The following CASZ1 variants were observed in gnomAD, a reference collection of about 807,000 sequenced individuals.
CASZ1 encodes zinc finger protein castor homolog 1.
In CASZ1, 28 loss-of-function variants were observed where a neutral mutation model predicts 135.2. The ratio of observed to expected loss-of-function variants is 0.21; its 90% CI spans 0.15 to 0.28. The LOEUF (loss-of-function observed/expected upper bound fraction) is 0.28. Among genes scored for constraint, CASZ1 ranks in the 10% least tolerant of loss-of-function variants. CASZ1 has a pLI of 1.00. For synonymous variants in CASZ1, 1,068 were observed against 1,073.4 expected, an observed-to-expected ratio of 0.99 and a Z score of 0.10; for missense variants, 2,161 against 2,453.3, an observed-to-expected ratio of 0.88 and a Z score of 2.52.
rs1639414891 is a variant in CASZ1, at chr1:10,717,417, C to T, written c.-76-11873G>A. ...TTTTCTTTTCTTTTTTGCTATTTAT[C>T]AGCAGGTTGTGTGGAGCTGAGTGGT... On this transcript the variant is annotated intron_variant, in intron 2 of 20. Transcript: ENST00000377022. This position sits in a 1 kb window ranked among gnomAD's most constrained non-coding sequence, Gnocchi z 4.6. Among the ~76,000 whole-genome samples, 1 of 151,762 alleles carries T rather than the reference C, an allele frequency of 6.6e-6. No homozygotes were observed. Among genetic ancestry groups the T allele is most frequent in the African/African-American group, 2.4e-5 (1 of 41,290 alleles).
rs550857087 is a variant in CASZ1 at position 10,657,703 on chromosome 1, C to T, written c.1409+805G>A. Among the ~76,000 whole-genome samples the T allele has an allele frequency of 1.3e-4, 19 of 146,830 alleles. No individual in the cohort carries two copies. The highest frequency in any genetic ancestry group is 8.4e-4 in the East Asian group (4 of 4,734). ...TCGGAGACAGAGTGGGACGTGGAGG[C>T]GGAGAGACAGAGCGGGCGGGAGGAA... is the stretch of plus-strand genomic sequence containing the variant. On this transcript the variant is annotated intron_variant, in intron 7 of 20. Transcript: ENST00000377022. The surrounding 1 kb of genome is among the most constrained non-coding windows in gnomAD (Gnocchi z 5.7).
rs1175373896 is a variant in CASZ1 at position 10,741,301 on chromosome 1, G to C, written c.-77+19400C>G. ...CCTGGCTCTATATTGGGCTTTAAAC[G>C]ACATGAGGGCAGGGACTTGTTCAAA... is the stretch of plus-strand genomic sequence containing the variant. On this transcript the variant is annotated intron_variant, in intron 2 of 20. Coordinates refer to ENST00000377022, the MANE Select transcript of CASZ1 (RefSeq NM_001079843.3). This position sits in a 1 kb window ranked among gnomAD's most constrained non-coding sequence, Gnocchi z 5.0. Among the ~76,000 whole-genome samples, 1 of 152,142 alleles carries C rather than the reference G, an allele frequency of 6.6e-6. No individual in the cohort carries two copies. Among genetic ancestry groups the C allele is most frequent in the African/African-American group, 2.4e-5 (1 of 41,426 alleles).
At chr1:10,746,549 C>T (rs1640045099) in intron 2 of CASZ1, among the ~76,000 whole-genome samples, 1 of 152,178 alleles carries the variant, frequency 6.6e-6, no homozygotes, top group Admixed American at 6.5e-5. Flanking sequence ...GCCCCCTTGC[C>T]TGGGTCTGGC....
intron 2 of CASZ1, among the ~76,000 whole-genome samples, chr1:10,744,141 A>G (rs1021455631): frequency 1.1e-4 from 16 of 151,884 alleles, no homozygotes; most frequent in African/African-American, 3.9e-4. Context: ...GATTTTAGAT[A>G]AAGTTGCTCC....
chr1:10,685,964 C>T (rs1055133515), intron 4 of CASZ1, among the ~76,000 whole-genome samples: 1 of 152,214 alleles, frequency 6.6e-6, no homozygotes, highest in African/African-American at 2.4e-5. Context: ...CCCACAGGGG[C>T]AGCTGCTGGC....
chr1:10,723,064 C>T (rs972226160), intron 2 of CASZ1, among the ~76,000 whole-genome samples: 3 of 152,222 alleles, frequency 2.0e-5, no homozygotes, highest in Non-Finnish European at 4.4e-5. Context: ...GGGAGGTGCG[C>T]ATCATGGCGC....
At position 10,694,195 on chromosome 1, in the gene CASZ1, C is replaced by T. The variant is rs1445943137; in HGVS notation, c.-23-283G>A. On this transcript the variant is annotated intron_variant, in intron 3 of 20. Transcript: ENST00000377022. The surrounding 1 kb of genome is among the most constrained non-coding windows in gnomAD (Gnocchi z 6.6). ...TTGGGGGCCCTGGCCGGGGGATCCG[C>T]GAGGCCCAGGGGCGCCCCCGTCCCG... The T allele has an allele frequency of 5.8e-6, 2 of 342,090 alleles. No homozygotes were observed. Among genetic ancestry groups the T allele is most frequent in the Admixed American group, 6.4e-5 (1 of 15,666 alleles). 21.2% of individuals were successfully genotyped at this position (342,090 alleles called of 1,614,324 possible).
At chr1:10,778,250 C>T (rs2100606537) in intron 1 of CASZ1, among the ~76,000 whole-genome samples, 1 of 151,850 alleles carries the variant, frequency 6.6e-6, no homozygotes. Flanking sequence ...CAATCTCACA[C>T]AGCATCTCCC....
rs1325333654 is a variant in CASZ1, at chr1:10,720,770, T to C, written c.-76-15226A>G. On this transcript the variant is annotated intron_variant, in intron 2 of 20. Coordinates refer to ENST00000377022, the MANE Select transcript of CASZ1 (RefSeq NM_001079843.3). This position sits in a 1 kb window ranked among gnomAD's most constrained non-coding sequence, Gnocchi z 5.7. ...CGTAGGGAAGCCCAAGGTCAGAGAG[T>C]GGGGAGGAAGTGGACGCCGGTGGGT... 6.6e-6 allele frequency among the ~76,000 whole-genome samples: 1 copy of C among 150,982 alleles called. No individual in the cohort carries two copies. Among genetic ancestry groups the C allele is most frequent in the African/African-American group, 2.4e-5 (1 of 40,978 alleles).
chr1:10,757,145 T>C lies in CASZ1; in HGVS notation c.-77+3556A>G, dbSNP rs1012208043. The stretch of plus-strand genomic sequence containing the variant: ...GAGCCTTTCTCAGCACCCAGCATGG[T>C]TCCAAGATGGCACTTCTCCCCTAAT... On this transcript the variant is annotated intron_variant, in intron 2 of 20. Coordinates refer to ENST00000377022, the MANE Select transcript of CASZ1 (RefSeq NM_001079843.3). The surrounding 1 kb of genome is among the most constrained non-coding windows in gnomAD (Gnocchi z 4.6). Among the ~76,000 whole-genome samples, 3 of 152,132 alleles carry C rather than the reference T, an allele frequency of 2.0e-5. No homozygotes were observed. The highest frequency in any genetic ancestry group is 7.2e-5 in the African/African-American group (3 of 41,438).
chr1:10,761,512 C>T (rs1640374150), intron 1 of CASZ1, among the ~76,000 whole-genome samples: 1 of 152,010 alleles, frequency 6.6e-6, no homozygotes, highest in Admixed American at 6.6e-5. Flanking sequence ...TGAAAGGGGG[C>T]TGCTGAGATT....
chr1:10,692,466 G>C (rs542796720), intron 4 of CASZ1, among the ~76,000 whole-genome samples: 1 of 152,294 alleles, frequency 6.6e-6, no homozygotes, highest in African/African-American at 2.4e-5. Flanking sequence ...GACTGGAGGT[G>C]GGGGCAGGCA....
Position 10,699,487 on chromosome 1 carries a change from G to A in CASZ1, c.-23-5575C>T, listed in dbSNP as rs1248421071. ...GGTCTGAAAGCCAAGGTAGGTTGTT[G>A]GGTGGGCAGCTGGCAGCCCTGGCAG... is the stretch of plus-strand genomic sequence containing the variant. On this transcript the variant is annotated intron_variant, in intron 3 of 20. Transcript: ENST00000377022. The surrounding 1 kb of genome is among the most constrained non-coding windows in gnomAD (Gnocchi z 4.6). Among the ~76,000 whole-genome samples the A allele has an allele frequency of 6.6e-6, 1 of 152,212 alleles. No individual in the cohort carries two copies. The highest frequency in any genetic ancestry group is 1.5e-5 in the Non-Finnish European group (1 of 68,036).
chr1:10,734,634 CAG>C (rs1639761898), intron 2 of CASZ1, among the ~76,000 whole-genome samples: 1 of 151,894 alleles, frequency 6.6e-6, no homozygotes, highest in Non-Finnish European at 1.5e-5. Flanking sequence ...AAAAGCAACA[CAG>C]AGGGTTTTTG....
intron 4 of CASZ1, among the ~76,000 whole-genome samples, chr1:10,677,765 G>C (rs533558219): frequency 2.6e-5 from 4 of 152,338 alleles, no homozygotes; most frequent in African/African-American, 9.6e-5. Context: ...AGAGCTTTCC[G>C]CAGCCTTGGA....
chr1:10,743,686 A>G (rs1233108107), intron 2 of CASZ1, among the ~76,000 whole-genome samples: 355 of 90,942 alleles, frequency 3.9e-3, no homozygotes, highest in Middle Eastern at 0.013. Context: ...GTGCGGGGGG[A>G]GGAGAAGAGG....
At chr1:10,670,583 C>G (rs988733465) in intron 4 of CASZ1, among the ~76,000 whole-genome samples, 2 of 152,250 alleles carry the variant, frequency 1.3e-5, no homozygotes, top group African/African-American at 4.8e-5. Flanking sequence ...GCTGACTCCT[C>G]AGGCTATGAT....
At chr1:10,677,617 G>A (rs1048468939) in intron 4 of CASZ1, among the ~76,000 whole-genome samples, 5 of 152,228 alleles carry the variant, frequency 3.3e-5, no homozygotes, top group Non-Finnish European at 7.3e-5. Flanking sequence ...GAAAGGGACC[G>A]AGGTCCAAGA....
At chr1:10,763,029 C>T (rs150874880) in intron 1 of CASZ1, among the ~76,000 whole-genome samples, 2,404 of 152,312 alleles carry the variant, frequency 0.016, 28 homozygotes, top group African/African-American at 0.025. Flanking sequence ...TTTTCCCCCA[C>T]GGTCTTCCCC....
Sources: gnomAD v4.1 joint callset for allele counts (sites outside exome capture counted in the v4.1 genomes callset) on GRCh38, gnomAD v4.1.1 for gene constraint, Gnocchi (gnomAD v3.1) non-coding constraint, MANE v1.5 for transcripts, NCBI Gene and HGNC (gene_info 2026-07-23, HGNC 2026-07-21) for gene names.